SYT1: variants seen among roughly 807,000 people sequenced by gnomAD.
The protein encoded by SYT1 is synaptotagmin-1.
In SYT1, 8 loss-of-function variants were observed where a neutral mutation model predicts 44.8. The observed-to-expected ratio is 0.18, with a 90% confidence interval of 0.10 to 0.32. The LOEUF (loss-of-function observed/expected upper bound fraction) is 0.32. Among genes scored for constraint, SYT1 ranks in the 10% least tolerant of loss-of-function variants. SYT1 has a pLI of 1.00. For missense variants in SYT1, 286 were observed against 509.3 expected (o/e 0.56, Z 4.22); for synonymous variants, 154 against 188.8 (o/e 0.82, Z 1.51).
At chr12:79,446,205 C>T in intron 10 of SYT1, among the ~76,000 whole-genome samples, 1 of 151,528 alleles carries the variant, frequency 6.6e-6, no homozygotes, top group South Asian at 2.1e-4. Flanking sequence ...GTCAAAGTGA[C>T]ATTATGCATA....
At chr12:79,004,621 G>A (rs1038360304) in intron 2 of SYT1, among the ~76,000 whole-genome samples, 24 of 151,934 alleles carry the variant, frequency 1.6e-4, no homozygotes, top group Non-Finnish European at 2.9e-4. Flanking sequence ...AGTAGCAATT[G>A]TTCATAAATA....
intron 3 of SYT1, among the ~76,000 whole-genome samples, chr12:79,135,022 G>T (rs1869094724): frequency 1.3e-5 from 2 of 150,284 alleles, no homozygotes; most frequent in Non-Finnish European, 2.9e-5. Flanking sequence ...TGGTAACAAT[G>T]TGTTAACTAA....
intron 3 of SYT1, among the ~76,000 whole-genome samples, chr12:79,048,673 A>T (rs1874249084): frequency 6.6e-6 from 1 of 151,896 alleles, no homozygotes; most frequent in Admixed American, 6.6e-5. Flanking sequence ...TTAACTCTAA[A>T]TGTATGAAAG....
Position 78,899,404 on chromosome 12 carries a change from A to G in SYT1, c.-217+34295A>G, listed in dbSNP as rs1875536503. 5.3e-5 allele frequency among the ~76,000 whole-genome samples: 8 copies of G among 152,114 alleles called. No homozygotes were observed. In the South Asian group the frequency reaches 1.7e-3, roughly 31 times the overall value. On this transcript the variant is annotated intron_variant, in intron 1 of 10. Transcript: ENST00000261205. ...GCTACGAACCCTGGAAAAAATTTTC[A>G]TTTCAAAAATATACATAATATTCTC...
At chr12:78,947,925 A>G (rs2137281000) in intron 1 of SYT1, among the ~76,000 whole-genome samples, 1 of 152,080 alleles carries the variant, frequency 6.6e-6, no homozygotes, top group East Asian at 1.9e-4. Context: ...TAATCTATTA[A>G]AATCCCTTCA....
intron 3 of SYT1, among the ~76,000 whole-genome samples, chr12:79,105,314 G>A (rs888056415): frequency 6.6e-6 from 1 of 152,158 alleles, no homozygotes; most frequent in Non-Finnish European, 1.5e-5. Context: ...GCTTAGCAAC[G>A]TGTCCAGCAC....
intron 1 of SYT1, among the ~76,000 whole-genome samples, chr12:78,961,706 CA>C (rs1164288059): frequency 6.6e-6 from 1 of 152,060 alleles, no homozygotes; most frequent in East Asian, 1.9e-4. Context: ...ACTATTTAGG[CA>C]GAAGGGCTCT....
chr12:79,119,122 G>A (rs1224496786), intron 3 of SYT1, among the ~76,000 whole-genome samples: 1 of 151,706 alleles, frequency 6.6e-6, no homozygotes, highest in East Asian at 2.0e-4. Flanking sequence ...ATGTACAAAA[G>A]CAACTAGAGA....
intron 3 of SYT1, among the ~76,000 whole-genome samples, chr12:79,162,478 A>T (rs535968530): frequency 3.3e-5 from 5 of 152,252 alleles, no homozygotes; most frequent in African/African-American, 1.2e-4. Context: ...AACAGAGACC[A>T]TTCTATTCAC....
At chr12:79,238,774 G>A (rs1382117779) in intron 4 of SYT1, among the ~76,000 whole-genome samples, 1 of 152,166 alleles carries the variant, frequency 6.6e-6, no homozygotes, top group Non-Finnish European at 1.5e-5. Flanking sequence ...AGTTGCTTGT[G>A]AACCTGGGAC....
At chr12:79,207,899 A>G (rs1874220522) in intron 3 of SYT1, among the ~76,000 whole-genome samples, 1 of 152,222 alleles carries the variant, frequency 6.6e-6, no homozygotes, top group South Asian at 2.1e-4. Flanking sequence ...AGAAAAAACA[A>G]GAAAGAATTC....
intron 2 of SYT1, among the ~76,000 whole-genome samples, chr12:79,043,671 G>A (rs986140599): frequency 2.0e-5 from 3 of 152,042 alleles, no homozygotes; most frequent in Non-Finnish European, 4.4e-5. Context: ...CTGTCATTAT[G>A]ATGTTAGCTG....
At chr12:79,128,454 T>C (rs1234760881) in intron 3 of SYT1, among the ~76,000 whole-genome samples, 1 of 152,198 alleles carries the variant, frequency 6.6e-6, no homozygotes, top group Admixed American at 6.5e-5. Context: ...GACAGACACG[T>C]AGATAGAAAG....
intron 2 of SYT1, among the ~76,000 whole-genome samples, chr12:78,983,348 C>T (rs1869411680): frequency 6.6e-6 from 1 of 152,072 alleles, no homozygotes; most frequent in South Asian, 2.1e-4. Flanking sequence ...AAATACCTCA[C>T]AGCCCAGGCC....
At position 79,292,003 on chromosome 12, in the gene SYT1, C is replaced by A; in HGVS notation, c.352-5C>A. Reference sequence around the variant, plus strand: ...ATTCACATGTGATCCTTTCTCTATACATAGGCCCTCAAGGATGATGATGCT... The same window carrying A: ...ATTCACATGTGATCCTTTCTCTATAAATAGGCCCTCAAGGATGATGATGCT... On this transcript the variant is annotated splice_region_variant and splice_polypyrimidine_tract_variant and intron_variant, in intron 5 of 10. Transcript: ENST00000261205. 1.9e-6 allele frequency: 3 copies of A among 1,613,636 alleles called. No individual in the cohort carries two copies. Among genetic ancestry groups the A allele is most frequent in the African/African-American group, 2.7e-5 (2 of 74,924 alleles).
chr12:79,009,152 T>C (rs1050186519), intron 2 of SYT1, among the ~76,000 whole-genome samples: 2 of 152,172 alleles, frequency 1.3e-5, no homozygotes, highest in Admixed American at 6.5e-5. Context: ...GTGGCTGTTA[T>C]GAAATACAAA....
intron 1 of SYT1, among the ~76,000 whole-genome samples, chr12:78,865,412 C>T (rs1873483126): frequency 1.3e-5 from 2 of 152,092 alleles, no homozygotes; most frequent in African/African-American, 4.8e-5. Context: ...TCAATCTTTT[C>T]TCTCTTTCTC....
intron 3 of SYT1, among the ~76,000 whole-genome samples, chr12:79,146,931 C>T (rs1039068927): frequency 1.3e-5 from 2 of 152,160 alleles, no homozygotes; most frequent in Non-Finnish European, 2.9e-5. Flanking sequence ...AGCTCTGCTT[C>T]CCGGGTTCAG....
chr12:79,173,263 C>T (rs1320733226), intron 3 of SYT1, among the ~76,000 whole-genome samples: 1 of 151,912 alleles, frequency 6.6e-6, no homozygotes, highest in African/African-American at 2.4e-5. Context: ...CCTGCAAGTT[C>T]CCTGTAAGCT....
Sources: allele counts gnomAD v4.1 joint callset (sites outside exome capture counted in the v4.1 genomes callset), GRCh38; gene constraint gnomAD v4.1.1; transcripts MANE v1.5; gene names NCBI Gene and HGNC (gene_info 2026-07-23, HGNC 2026-07-21).